The following ANGPT1 variants were observed in gnomAD, a reference collection of about 807,000 sequenced individuals.
ANGPT1 encodes angiopoietin 1.
A neutral mutation model predicts 62.2 loss-of-function variants in ANGPT1; 17 were observed. The observed-to-expected ratio is 0.27, with a 90% CI of 0.19 to 0.41. The LOEUF is 0.41. Ranked by LOEUF, ANGPT1 falls within the 10% of genes least tolerant of loss-of-function variation. The probability of loss-of-function intolerance (pLI) is 1.00; values close to 1 mark genes in which losing one functional copy is unlikely to be tolerated. For synonymous variants in ANGPT1, 199 were observed against 198.9 expected (o/e 1.00, Z 0.00); for missense variants, 478 against 594.9 (o/e 0.80, Z 2.04).
intron 1 of ANGPT1, among the ~76,000 whole-genome samples, chr8:107,457,025 G>T (rs530760863): frequency 6.6e-6 from 1 of 152,096 alleles, no homozygotes; most frequent in South Asian, 2.1e-4. Context: ...GTCAAAAATT[G>T]TAACTTGTAA....
At chr8:107,366,725 C>T (rs886132023) in intron 1 of ANGPT1, among the ~76,000 whole-genome samples, 6 of 152,162 alleles carry the variant, frequency 3.9e-5, no homozygotes, top group Non-Finnish European at 8.8e-5. Context: ...GCGATCCCTA[C>T]CTCATGGTAG....
chr8:107,317,964 T>C (rs923679778), intron 4 of ANGPT1, among the ~76,000 whole-genome samples: 1 of 152,152 alleles, frequency 6.6e-6, no homozygotes, highest in Non-Finnish European at 1.5e-5. Context: ...CAGTAACTGA[T>C]TACTCTCCCC....
At chr8:107,311,548 C>T (rs919879763) in intron 4 of ANGPT1, among the ~76,000 whole-genome samples, 32 of 152,218 alleles carry the variant, frequency 2.1e-4, no homozygotes, top group African/African-American at 7.2e-4. Context: ...GACATACAAA[C>T]TCTTACATTT....
intron 1 of ANGPT1, among the ~76,000 whole-genome samples, chr8:107,351,477 T>C (rs1408239739): frequency 2.6e-5 from 4 of 152,038 alleles, no homozygotes; most frequent in Admixed American, 2.6e-4. Flanking sequence ...AAGTGTTCTG[T>C]TATTGGACTG....
At chr8:107,391,312 A>C (rs1019273569) in intron 1 of ANGPT1, among the ~76,000 whole-genome samples, 3 of 152,180 alleles carry the variant, frequency 2.0e-5, no homozygotes, top group African/African-American at 7.2e-5. Context: ...ATCCTGGCTT[A>C]GTCTTTTTAT....
At chr8:107,493,041 A>G (rs1813005956) in intron 1 of ANGPT1, among the ~76,000 whole-genome samples, 1 of 150,654 alleles carries the variant, frequency 6.6e-6, no homozygotes, top group South Asian at 2.2e-4. Context: ...AGACTTTAGC[A>G]TCTTAAAGTA....
chr8:107,436,248 G>GT (rs1811328689), intron 1 of ANGPT1, among the ~76,000 whole-genome samples: 1 of 152,234 alleles, frequency 6.6e-6, no homozygotes, highest in South Asian at 2.1e-4. Flanking sequence ...ATCAGAAAAG[G>GT]TAAGTCCTTT....
At chr8:107,425,233 T>C (rs1183895305) in intron 1 of ANGPT1, among the ~76,000 whole-genome samples, 3 of 152,188 alleles carry the variant, frequency 2.0e-5, no homozygotes, top group Non-Finnish European at 4.4e-5. Flanking sequence ...TGAAGGAATA[T>C]TGTTTGGTAT....
intron 2 of ANGPT1, among the ~76,000 whole-genome samples, chr8:107,346,700 A>G (rs752357305): frequency 6.6e-6 from 1 of 152,180 alleles, no homozygotes; most frequent in Non-Finnish European, 1.5e-5. Flanking sequence ...GAATTTAAAC[A>G]TTGATGAGGT....
intron 7 of ANGPT1, among the ~76,000 whole-genome samples, chr8:107,277,465 A>G (rs576821048): frequency 6.6e-6 from 1 of 152,280 alleles, no homozygotes; most frequent in South Asian, 2.1e-4. Flanking sequence ...GTGCTGTACT[A>G]ATGTTTGAGA....
At chr8:107,418,013 C>G (rs946712582) in intron 1 of ANGPT1, among the ~76,000 whole-genome samples, 1 of 152,158 alleles carries the variant, frequency 6.6e-6, no homozygotes, top group Non-Finnish European at 1.5e-5. Context: ...CTTCTGGTAA[C>G]ATGTTGTGAC....
intron 1 of ANGPT1, among the ~76,000 whole-genome samples, chr8:107,393,685 C>T (rs1016051075): frequency 3.3e-5 from 5 of 152,108 alleles, no homozygotes; most frequent in Non-Finnish European, 5.9e-5. Context: ...TGGCAGGCAC[C>T]TGCAGTCCCA....
chr8:107,288,468 A>T (rs1332747776), intron 6 of ANGPT1, among the ~76,000 whole-genome samples: 1 of 152,106 alleles, frequency 6.6e-6, no homozygotes, highest in Non-Finnish European at 1.5e-5. Flanking sequence ...AATTGCTTTC[A>T]ACCAGGAATG....
intron 3 of ANGPT1, among the ~76,000 whole-genome samples, chr8:107,333,640 G>C (rs1342106768): frequency 6.6e-6 from 1 of 152,066 alleles, no homozygotes; most frequent in South Asian, 2.1e-4. Flanking sequence ...ATATGTTTGG[G>C]ATCAGAAGTC....
At chr8:107,388,715 T>C (rs186490516) in intron 1 of ANGPT1, among the ~76,000 whole-genome samples, 58 of 152,274 alleles carry the variant, frequency 3.8e-4, no homozygotes, top group Non-Finnish European at 8.8e-5. Flanking sequence ...GACAGTAACA[T>C]TCTGTATCCT....
At chr8:107,465,154 G>A (rs531823800) in intron 1 of ANGPT1, among the ~76,000 whole-genome samples, 26 of 152,172 alleles carry the variant, frequency 1.7e-4, no homozygotes, top group African/African-American at 6.3e-4. Context: ...TAAATATACA[G>A]AAGTAAGAAT....
intron 1 of ANGPT1, among the ~76,000 whole-genome samples, chr8:107,413,247 G>A (rs1196063005): frequency 6.6e-6 from 1 of 152,092 alleles, no homozygotes; most frequent in Non-Finnish European, 1.5e-5. Context: ...GGGTAATTAT[G>A]AACACATTAA....
At chr8:107,332,180 TTTGTG>T (rs1815438298) in intron 3 of ANGPT1, among the ~76,000 whole-genome samples, 1 of 152,166 alleles carries the variant, frequency 6.6e-6, no homozygotes, top group Non-Finnish European at 1.5e-5. Context: ...AAGTTTACAT[TTTGTG>T]TCCTACTTTG....
chr8:107,491,223 T>A (rs1586367021), intron 1 of ANGPT1, among the ~76,000 whole-genome samples: 1 of 152,090 alleles, frequency 6.6e-6, no homozygotes, highest in East Asian at 1.9e-4. Flanking sequence ...GAGCATAGTG[T>A]CTATGAAAAT....
Sources: gnomAD v4.1 joint callset for allele counts (sites outside exome capture counted in the v4.1 genomes callset) on GRCh38, gnomAD v4.1.1 for gene constraint, MANE v1.5 for transcripts, NCBI Gene and HGNC (gene_info 2026-07-23, HGNC 2026-07-21) for gene names.